Variants in SUPT3H observed in about 807,000 individuals in gnomAD.
SUPT3H encodes the protein transcription initiation protein SPT3 homolog.
A neutral mutation model predicts 44.3 loss-of-function variants in SUPT3H; 44 were observed. That is an observed-to-expected ratio of 0.99 (90% CI 0.78 to 1.28). The LOEUF (loss-of-function observed/expected upper bound fraction) is 1.28. Among genes scored for constraint, SUPT3H ranks in the 50% most tolerant of loss-of-function variants. The pLI is 0.00. For synonymous variants in SUPT3H, 124 were observed against 125.6 expected (o/e 0.99, Z 0.09); for missense variants, 380 against 387.1 (o/e 0.98, Z 0.15).
chr6:44,972,548 G>A (rs1350459464), intron 6 of SUPT3H, among the ~76,000 whole-genome samples: 1 of 152,156 alleles, frequency 6.6e-6, no homozygotes, highest in African/African-American at 2.4e-5. Context: ...GAGAATGGTG[G>A]CCCTTTTACA....
intron 10 of SUPT3H, among the ~76,000 whole-genome samples, chr6:44,909,471 G>A (rs539896265): frequency 1.3e-5 from 2 of 152,170 alleles, no homozygotes; most frequent in South Asian, 4.2e-4. Context: ...TAAAAATTGG[G>A]ATCAGAAGTG....
chr6:45,119,914 T>G (rs1801370430), intron 2 of SUPT3H, among the ~76,000 whole-genome samples: 1 of 152,132 alleles, frequency 6.6e-6, no homozygotes, highest in East Asian at 1.9e-4. Flanking sequence ...ATATACAATT[T>G]AGAATCTGTT....
At position 45,060,646 on chromosome 6, in the gene SUPT3H, G is replaced by A. The variant is rs555281282; in HGVS notation, c.187-40014C>T. Among the ~76,000 whole-genome samples the A allele has an allele frequency of 3.9e-5, 6 of 152,220 alleles. No individual in the cohort carries two copies. The South Asian group carries it at 8.3e-4, about 21-fold the overall frequency. On this transcript the variant is annotated intron_variant, in intron 3 of 10. Transcript: ENST00000371459. Reference sequence around the variant, plus strand: ...TACTGCAAAGGAAACTATCATCAGAGTGAACAGACAACCTAACCTACAGAA... The same window carrying A: ...TACTGCAAAGGAAACTATCATCAGAATGAACAGACAACCTAACCTACAGAA...
At chr6:45,179,149 G>A (rs561404520) in intron 2 of SUPT3H, among the ~76,000 whole-genome samples, 6 of 152,152 alleles carry the variant, frequency 3.9e-5, no homozygotes, top group South Asian at 2.1e-4. Context: ...TAAATTCCTC[G>A]ACACGTACAC....
intron 3 of SUPT3H, among the ~76,000 whole-genome samples, chr6:45,077,647 A>AAAAAAAAAAAAAAAAAAAAAAAG (rs1554233652): frequency 1.1e-5 from 1 of 89,320 alleles, no homozygotes; most frequent in Non-Finnish European, 2.0e-5. Flanking sequence ...AAAAAAGAAA[A>AAAAAAAAAAAAAAAAAAAAAAAG]GAAAAAAAAA....
intron 2 of SUPT3H, among the ~76,000 whole-genome samples, chr6:45,358,453 C>T (rs1019349213): frequency 6.6e-6 from 1 of 152,150 alleles, no homozygotes; most frequent in African/African-American, 2.4e-5. Context: ...ATCCTTTCTT[C>T]TCTATAATTA....
chr6:44,821,603 A>C (rs1046725953), intron 11 of SUPT3H, among the ~76,000 whole-genome samples: 1 of 152,196 alleles, frequency 6.6e-6, no homozygotes, highest in Non-Finnish European at 1.5e-5. Context: ...AACAATAATC[A>C]CATAATATTT....
chr6:44,990,523 T>C (rs1780466329), intron 6 of SUPT3H, among the ~76,000 whole-genome samples: 1 of 152,026 alleles, frequency 6.6e-6, no homozygotes, highest in South Asian at 2.1e-4. Flanking sequence ...CTGATATGGT[T>C]TGGATATTCT....
At chr6:44,848,628 A>G (rs1441222610) in intron 10 of SUPT3H, among the ~76,000 whole-genome samples, 3 of 152,154 alleles carry the variant, frequency 2.0e-5, no homozygotes, top group Admixed American at 1.3e-4. Flanking sequence ...TTTTCCTGTG[A>G]GCTGACTTAC....
intron 2 of SUPT3H, among the ~76,000 whole-genome samples, chr6:45,139,273 T>C (rs1285371800): frequency 6.6e-6 from 1 of 152,236 alleles, no homozygotes; most frequent in Non-Finnish European, 1.5e-5. Context: ...AAACAACCTC[T>C]ATTATATTTT....
chr6:45,368,838 T>C (rs1795576237), intron 1 of SUPT3H, among the ~76,000 whole-genome samples: 1 of 152,120 alleles, frequency 6.6e-6, no homozygotes, highest in South Asian at 2.1e-4. Context: ...AATTAGAACA[T>C]TTTTATTTTC....
chr6:44,821,280 G>A (rs1045216911), intron 11 of SUPT3H, among the ~76,000 whole-genome samples: 1 of 152,110 alleles, frequency 6.6e-6, no homozygotes, highest in African/African-American at 2.4e-5. Context: ...CATCTACTTC[G>A]TTGAGACCCA....
chr6:44,835,180 T>C (rs1769597404), intron 10 of SUPT3H, among the ~76,000 whole-genome samples: 1 of 152,180 alleles, frequency 6.6e-6, no homozygotes, highest in Non-Finnish European at 1.5e-5. Context: ...ACTATGGCTA[T>C]GCTCAGTATC....
chr6:45,224,412 T>TA (rs1419239900), intron 2 of SUPT3H, among the ~76,000 whole-genome samples: 6 of 152,182 alleles, frequency 3.9e-5, no homozygotes, highest in Non-Finnish European at 1.5e-5. Flanking sequence ...TTTACTATTT[T>TA]AAATAAATGG....
chr6:45,137,106 G>C (rs1347265825), intron 2 of SUPT3H, among the ~76,000 whole-genome samples: 2 of 151,954 alleles, frequency 1.3e-5, no homozygotes, highest in African/African-American at 4.8e-5. Flanking sequence ...TATGTTAGAA[G>C]GGCTAAAAGA....
At chr6:45,330,467 C>A (rs12201899) in intron 2 of SUPT3H, among the ~76,000 whole-genome samples, 33,281 of 151,836 alleles carry the variant, frequency 0.22, 4,458 homozygotes, top group Non-Finnish European at 0.31. Flanking sequence ...TACTCTTTCA[C>A]GTTATCACTC....
chr6:45,165,083 C>T (rs1809624995), intron 2 of SUPT3H, among the ~76,000 whole-genome samples: 1 of 152,206 alleles, frequency 6.6e-6, no homozygotes, highest in African/African-American at 2.4e-5. Flanking sequence ...TCTGTCCCCA[C>T]TGCAAGGCTC....
intron 2 of SUPT3H, among the ~76,000 whole-genome samples, chr6:45,208,043 C>A (rs1280913556): frequency 6.6e-6 from 1 of 152,076 alleles, no homozygotes; most frequent in Non-Finnish European, 1.5e-5. Context: ...AACAGTTAAC[C>A]AAGTTGTGCA....
rs374293980 is a variant in SUPT3H at position 45,321,922 on chromosome 6, T to C, written c.101+43279A>G. On this transcript the variant is annotated intron_variant, in intron 2 of 10. Transcript: ENST00000371459. The stretch of plus-strand genomic sequence containing the variant: ...AAAAAAATTGTAATCTCACCTTAGA[T>C]GGTTAAAACATATTATAAATAAATA... 572 of 1,228,462 alleles carry C rather than the reference T, an allele frequency of 4.7e-4. 5 individuals are homozygous for C. The highest frequency in any genetic ancestry group is 1.3e-4 in the Non-Finnish European group (116 of 870,160). The allele number at this position is 1,228,462 out of a possible 1,614,324, so 76.1% of individuals were successfully genotyped here.
Sources: gnomAD v4.1 joint callset for allele counts (sites outside exome capture counted in the v4.1 genomes callset) on GRCh38, gnomAD v4.1.1 for gene constraint, MANE v1.5 for transcripts, NCBI Gene and HGNC (gene_info 2026-07-23, HGNC 2026-07-21) for gene names.